MFHAS1: variants seen among roughly 807,000 people sequenced by gnomAD.
The protein encoded by MFHAS1 is multifunctional ROCO family signaling regulator 1.
Under a neutral mutation model 70.4 loss-of-function variants are expected in MFHAS1, and 50 were observed. The observed-to-expected ratio is 0.71, with a 90% CI of 0.57 to 0.90. The LOEUF (loss-of-function observed/expected upper bound fraction) is 0.90, where lower values mean the gene tolerates loss of function less well. MFHAS1 is among the 40% of genes least tolerant of loss of function. MFHAS1 has a pLI of 0.00. For missense variants in MFHAS1, 1,795 were observed against 1,347.6 expected (o/e 1.33, Z -5.20); for synonymous variants, 952 against 620.0 (o/e 1.54, Z -7.96).
chr8:8,835,297 T>A (rs1016379584), intron 1 of MFHAS1, among the ~76,000 whole-genome samples: 2 of 152,196 alleles, frequency 1.3e-5, no homozygotes, highest in Non-Finnish European at 2.9e-5. Flanking sequence ...TATACCTTAA[T>A]AAAGTTTATT....
In MFHAS1 at chr8:8,892,345, C is replaced by G; in HGVS notation, c.714G>C (p.Glu238Asp). The G allele has an allele frequency of 6.2e-7, 1 of 1,611,982 alleles. No homozygotes were observed. Among genetic ancestry groups the G allele is most frequent in the East Asian group, 2.2e-5 (1 of 44,846 alleles). Residue 238 changes from glutamate to aspartate, a missense_variant, in exon 1 of 3, where the codon GAG becomes GAC. Glu to Asp is a conservative substitution (Grantham distance 45, BLOSUM62 2). Coordinates refer to ENST00000276282, the MANE Select transcript of MFHAS1 (RefSeq NM_004225.3). The surrounding 1 kb of genome is among the most constrained non-coding windows in gnomAD (Gnocchi z 4.7). ...ALKILWLSGA[E>D]LGTLPAGFCE... ...AGAAGCCGGCGGGCAGCGTGCCAAG[C>G]TCGGCCCCACTCAGCCAGAGGATCT...
intron 1 of MFHAS1, among the ~76,000 whole-genome samples, chr8:8,850,811 CAAAAAAAAAAA>C (rs149181304): frequency 2.8e-5 from 3 of 105,514 alleles, no homozygotes; most frequent in African/African-American, 7.4e-5. Flanking sequence ...AACTCCGTCT[CAAAAAAAAAAA>C]AAAAAAAAAA....
At chr8:8,837,749 C>G (rs1807652950) in intron 1 of MFHAS1, among the ~76,000 whole-genome samples, 1 of 151,896 alleles carries the variant, frequency 6.6e-6, no homozygotes, top group Non-Finnish European at 1.5e-5. Flanking sequence ...ATTAGGAGGG[C>G]TACTATTAAA....
intron 2 of MFHAS1, among the ~76,000 whole-genome samples, chr8:8,789,022 G>A (rs913847459): frequency 6.6e-6 from 1 of 152,104 alleles, no homozygotes; most frequent in African/African-American, 2.4e-5. Flanking sequence ...GATGTGATGA[G>A]GTCTGATGTT....
chr8:8,872,000 G>T (rs572701984), intron 1 of MFHAS1, among the ~76,000 whole-genome samples: 1 of 152,294 alleles, frequency 6.6e-6, no homozygotes, highest in Non-Finnish European at 1.5e-5. Context: ...TTCCAGAAAT[G>T]AGCTAAATCA....
Position 8,836,760 on chromosome 8 carries a change from T to C in MFHAS1, c.2999-39269A>G, listed in dbSNP as rs973684598. On this transcript the variant is annotated intron_variant, in intron 1 of 2. Coordinates refer to ENST00000276282, the MANE Select transcript of MFHAS1 (RefSeq NM_004225.3). ...TCAAGGTTGGGGAGAACAAATGAAGTAGAGCTAGATAACTTCCTTTAGTTT... is the reference window on the plus strand; with the variant it reads ...TCAAGGTTGGGGAGAACAAATGAAGCAGAGCTAGATAACTTCCTTTAGTTT... Among the ~76,000 whole-genome samples the C allele has an allele frequency of 2.6e-5, 4 of 152,220 alleles. 1 individual carries two copies. Among genetic ancestry groups the C allele is most frequent in the Non-Finnish European group, 5.9e-5 (4 of 68,036 alleles).
chr8:8,830,085 C>T (rs772496681), intron 1 of MFHAS1, among the ~76,000 whole-genome samples: 6 of 152,070 alleles, frequency 3.9e-5, no homozygotes, highest in Non-Finnish European at 5.9e-5. Context: ...TTGAAATGCC[C>T]GGGACTAGAT....
intron 1 of MFHAS1, among the ~76,000 whole-genome samples, chr8:8,812,376 C>G (rs984778400): frequency 6.6e-6 from 1 of 152,150 alleles, no homozygotes; most frequent in Non-Finnish European, 1.5e-5. Context: ...GCTGCTGGGT[C>G]CCAGGGTGGT....
At position 8,892,255 on chromosome 8, in the gene MFHAS1, C is replaced by G. The variant is rs929320475; in HGVS notation, c.804G>C (p.Gln268His). The G allele has an allele frequency of 3.5e-5, 57 of 1,612,070 alleles. No individual in the cohort carries two copies. Among genetic ancestry groups the G allele is most frequent in the Non-Finnish European group, 4.5e-5 (53 of 1,180,038 alleles). Residue 268 changes from glutamine to histidine, a missense_variant, in exon 1 of 3, where the codon CAG (glutamine) becomes CAC (histidine). By Grantham distance (24) the Gln-to-His change is conservative. Coordinates refer to ENST00000276282, the MANE Select transcript of MFHAS1 (RefSeq NM_004225.3). The surrounding 1 kb of genome is among the most constrained non-coding windows in gnomAD (Gnocchi z 4.7). ...TTTTGAGCCGCTGCAGGCAGCTGAA[C>G]TGGGCGGGCAGAGCCTGCAGCCCGT... is the stretch of plus-strand genomic sequence containing the variant. The part of the protein sequence containing the change: ...DNNGLQALPA[Q>H]FSCLQRLKML...
chr8:8,788,739 G>T (rs1805632829), intron 2 of MFHAS1, among the ~76,000 whole-genome samples: 1 of 152,220 alleles, frequency 6.6e-6, no homozygotes, highest in Non-Finnish European at 1.5e-5. Flanking sequence ...TTACAGTTAG[G>T]ATGGTTACGG....
intron 1 of MFHAS1, among the ~76,000 whole-genome samples, chr8:8,872,426 A>C (rs1809113525): frequency 6.6e-6 from 1 of 152,196 alleles, no homozygotes; most frequent in Non-Finnish European, 1.5e-5. Flanking sequence ...AGCTTCCTTC[A>C]TGCGGACCAC....
In MFHAS1 at chr8:8,824,521, T is replaced by TCACACACACA. The variant is rs57194505; in HGVS notation, c.2999-27040_2999-27031dup. Among the ~76,000 whole-genome samples the TCACACACACA allele has an allele frequency of 1.5e-4, 22 of 146,022 alleles. No individual in the cohort carries two copies. The East Asian group carries it at 3.0e-3, about 20-fold the overall frequency. ...GAAAGTCTTTCTCTTTCTCTCTCTT[T>TCACACACACA]CACACACACACACACACACACACAC... On this transcript the variant is annotated intron_variant, in intron 1 of 2. Transcript: ENST00000276282.
intron 1 of MFHAS1, among the ~76,000 whole-genome samples, chr8:8,871,525 G>A (rs868250159): frequency 6.6e-6 from 1 of 152,176 alleles, no homozygotes; most frequent in Non-Finnish European, 1.5e-5. Context: ...ACTCCAGCCT[G>A]GGCAACAGAG....
intron 1 of MFHAS1, among the ~76,000 whole-genome samples, chr8:8,827,437 G>C (rs148416867): frequency 6.6e-6 from 1 of 152,206 alleles, no homozygotes; most frequent in Non-Finnish European, 1.5e-5. Context: ...GGTATTATCA[G>C]ACTTAGCCAC....
At chr8:8,875,369 T>C (rs1008637118) in intron 1 of MFHAS1, among the ~76,000 whole-genome samples, 1 of 152,334 alleles carries the variant, frequency 6.6e-6, no homozygotes, top group African/African-American at 2.4e-5. Context: ...TGATGTACTA[T>C]TATGCAAGCA....
At position 8,846,365 on chromosome 8, in the gene MFHAS1, G is replaced by T. The variant is rs1351297116; in HGVS notation, c.2998+43696C>A. 2.3e-5 allele frequency among the ~76,000 whole-genome samples: 3 copies of T among 133,262 alleles called. No homozygotes were observed. In the South Asian group the frequency reaches 9.1e-4, roughly 41 times the overall value. The allele number at this position is 133,262 out of a possible 152,430, so 87.4% of individuals were successfully genotyped here. A position where few individuals can be genotyped will look rare whatever the true frequency, so the allele number is the denominator to read the frequency against. ...AGGAGGGGGAGGAGGGGGAGGAGGA[G>T]AAGGAGAAGGAGAAGAAAATGACCA... On this transcript the variant is annotated intron_variant, in intron 1 of 2. Transcript: ENST00000276282.
chr8:8,864,278 C>G (rs908468254), intron 1 of MFHAS1, among the ~76,000 whole-genome samples: 1 of 152,156 alleles, frequency 6.6e-6, no homozygotes, highest in Non-Finnish European at 1.5e-5. Context: ...ATTTTCTGCC[C>G]CTATGCTCAA....
intron 1 of MFHAS1, among the ~76,000 whole-genome samples, chr8:8,804,296 T>A (rs773899123): frequency 3.3e-5 from 5 of 152,202 alleles, no homozygotes; most frequent in Non-Finnish European, 5.9e-5. Flanking sequence ...ATCCACTGAG[T>A]TCTGGGCAAT....
intron 1 of MFHAS1, among the ~76,000 whole-genome samples, chr8:8,827,960 T>C (rs971146468): frequency 9.2e-5 from 14 of 152,314 alleles, no homozygotes; most frequent in Middle Eastern, 3.4e-3. Context: ...CTAAGGAATG[T>C]TGGAGGGACC....
Sources: allele counts gnomAD v4.1 joint callset (sites outside exome capture counted in the v4.1 genomes callset), GRCh38; gene constraint gnomAD v4.1.1; non-coding constraint Gnocchi (gnomAD v3.1); transcripts MANE v1.5; gene names NCBI Gene and HGNC (gene_info 2026-07-23, HGNC 2026-07-21).